Variants in SCP2 observed in about 807,000 individuals in gnomAD.
SCP2 encodes SCP-2/3-oxoacyl-CoA thiolase.
In SCP2, 48 loss-of-function variants were observed where a neutral mutation model predicts 71.4. The ratio of observed to expected loss-of-function variants is 0.67; its 90% CI spans 0.53 to 0.86. SCP2 has a LOEUF of 0.86. Among genes scored for constraint, SCP2 ranks in the 40% least tolerant of loss-of-function variants. The probability of loss-of-function intolerance (pLI) is 0.00; values close to 1 mark genes in which losing one functional copy is unlikely to be tolerated. For synonymous variants in SCP2, 220 were observed against 218.1 expected (o/e 1.01, Z -0.08); for missense variants, 560 against 655.6 (o/e 0.85, Z 1.59).
chr1:52,947,600 T>C (rs146167665), intron 2 of SCP2, among the ~76,000 whole-genome samples: 37 of 152,358 alleles, frequency 2.4e-4, no homozygotes, highest in African/African-American at 8.4e-4. Flanking sequence ...CTTGATCTTT[T>C]CTTTGTAAGA....
At chr1:52,996,988 A>G (rs1263225603) in intron 11 of SCP2, among the ~76,000 whole-genome samples, 3 of 151,932 alleles carry the variant, frequency 2.0e-5, no homozygotes, top group Non-Finnish European at 4.4e-5. Flanking sequence ...CTTTTTTCAT[A>G]TTGAAAATGT....
intron 11 of SCP2, among the ~76,000 whole-genome samples, chr1:52,988,539 C>T (rs184713436): frequency 1.2e-3 from 190 of 152,110 alleles, no homozygotes; most frequent in African/African-American, 4.2e-3. Flanking sequence ...ACTGGCTGGC[C>T]GTGTGAAACT....
intron 11 of SCP2, chr1:52,995,727 C>T: frequency 1.3e-6 from 1 of 768,034 alleles, no homozygotes; most frequent in Admixed American, 1.7e-5. Flanking sequence ...GAGTGGATCC[C>T]CAACAACATC....
At chr1:53,048,095 A>G in intron 15 of SCP2, 158 bp downstream of exon 15, 1 of 666,636 alleles carries the variant, frequency 1.5e-6, no homozygotes. Context: ...GCTGTGTGCC[A>G]CACACTGTCT....
chr1:52,985,262 C>T (rs1658886267), intron 10 of SCP2, among the ~76,000 whole-genome samples: 1 of 152,156 alleles, frequency 6.6e-6, no homozygotes, highest in Admixed American at 6.5e-5. Flanking sequence ...CATCTCAAAC[C>T]TAAGTCCAAA....
At chr1:52,990,759 A>T (rs1350869192) in intron 11 of SCP2, among the ~76,000 whole-genome samples, 1 of 147,550 alleles carries the variant, frequency 6.8e-6, no homozygotes, top group African/African-American at 2.6e-5. Context: ...AAAAAAAAAA[A>T]ATTAAAGGTA....
intron 10 of SCP2, among the ~76,000 whole-genome samples, chr1:52,980,796 A>T (rs1455590716): frequency 1.3e-5 from 2 of 152,210 alleles, no homozygotes; most frequent in Non-Finnish European, 1.5e-5. Flanking sequence ...AGGCTCTTTT[A>T]TCTGACCAAA....
chr1:53,017,982 G>A (rs1339438868), intron 12 of SCP2, among the ~76,000 whole-genome samples: 1 of 152,076 alleles, frequency 6.6e-6, no homozygotes, highest in Non-Finnish European at 1.5e-5. Context: ...AGCCTCCCAA[G>A]TAGCTGGGAT....
At chr1:52,989,747 A>G (rs914972786) in intron 11 of SCP2, among the ~76,000 whole-genome samples, 1 of 152,188 alleles carries the variant, frequency 6.6e-6, no homozygotes, top group Non-Finnish European at 1.5e-5. Flanking sequence ...TAGCTACCTC[A>G]GGTGCCAATT....
intron 6 of SCP2, among the ~76,000 whole-genome samples, chr1:52,962,008 C>G (rs1009765118): frequency 6.6e-6 from 1 of 152,262 alleles, no homozygotes; most frequent in African/African-American, 2.4e-5. Context: ...CTCAAGCGAT[C>G]CTTCCACCCC....
chr1:53,043,104 C>G (rs1466985544), intron 14 of SCP2, among the ~76,000 whole-genome samples: 2 of 152,158 alleles, frequency 1.3e-5, no homozygotes, highest in Non-Finnish European at 2.9e-5. Flanking sequence ...CTCCTATCCC[C>G]AAGGTAAACT....
At chr1:52,933,774 G>A (rs1441838445) in intron 1 of SCP2, among the ~76,000 whole-genome samples, 3 of 152,166 alleles carry the variant, frequency 2.0e-5, no homozygotes, top group African/African-American at 7.2e-5. Flanking sequence ...GGTAGTCTCT[G>A]AGACCCTTTG....
rs1296487926 is a variant in SCP2, at chr1:52,927,474, A to T, written c.69+9A>T. 2 of 1,591,586 alleles carry T rather than the reference A, an allele frequency of 1.3e-6. No homozygotes were observed. The highest frequency in any genetic ancestry group is 1.7e-6 in the Non-Finnish European group (2 of 1,169,344). ...GGGTTGGCATGACCAAGGTAAACCG[A>T]GCAGCGGCCCTGCTGGCCCTCTGAG... On this transcript the variant is annotated intron_variant, in intron 1 of 15. Coordinates refer to ENST00000371514, the MANE Select transcript of SCP2 (RefSeq NM_002979.5).
rs1027445623 is a variant in SCP2 at position 52,929,868 on chromosome 1, C to T, written c.69+2403C>T. 5.9e-5 allele frequency among the ~76,000 whole-genome samples: 9 copies of T among 152,280 alleles called. No individual in the cohort carries two copies. The East Asian group carries it at 1.4e-3, about 23-fold the overall frequency. On this transcript the variant is annotated intron_variant, in intron 1 of 15. Transcript: ENST00000371514. The stretch of plus-strand genomic sequence containing the variant: ...TTAACCTCCAGATCTCGTGATCCAC[C>T]CGCCTCGGACTCCCAAAGTGCTGGG...
At chr1:53,034,275 A>G (rs1410163752) in intron 13 of SCP2, among the ~76,000 whole-genome samples, 1 of 151,962 alleles carries the variant, frequency 6.6e-6, no homozygotes, top group Non-Finnish European at 1.5e-5. Context: ...CTCCATTTAA[A>G]AAAAAAAAAG....
rs191226296 is a variant in SCP2, at chr1:53,046,109, A to G, written c.1469-1749A>G. ...TTTGGCAAGTATGAATCTTAAAGCC[A>G]CTATAAGCATTCACATACAGGTTTT... On this transcript the variant is annotated intron_variant, in intron 14 of 15. Coordinates refer to ENST00000371514, the MANE Select transcript of SCP2 (RefSeq NM_002979.5). Among the ~76,000 whole-genome samples, 10 of 152,310 alleles carry G rather than the reference A, an allele frequency of 6.6e-5. No homozygotes were observed. The East Asian group carries it at 1.5e-3, about 24-fold the overall frequency.
In SCP2 at chr1:53,013,106, C is replaced by CTTTTT. The variant is rs754111443; in HGVS notation, c.1082-1765_1082-1761dup. 6.7e-5 allele frequency among the ~76,000 whole-genome samples: 7 copies of CTTTTT among 104,636 alleles called. 1 individual carries two copies. The highest frequency in any genetic ancestry group is 1.1e-4 in the Admixed American group (1 of 8,760). 68.6% of individuals were successfully genotyped at this position (104,636 alleles called of 152,430 possible). A position where few individuals can be genotyped will look rare whatever the true frequency, so the allele number is the denominator to read the frequency against. On this transcript the variant is annotated intron_variant, in intron 11 of 15. Coordinates refer to ENST00000371514, the MANE Select transcript of SCP2 (RefSeq NM_002979.5). ...AAGTTATTACCAGTTGTGGAGCTAC[C>CTTTTT]TTTTTTTTTTTTTTTTTTTTTTTGA...
chr1:52,993,211 A>G (rs775443299), intron 11 of SCP2: 395 of 1,613,986 alleles, frequency 2.4e-4, no homozygotes, highest in Non-Finnish European at 3.3e-4. Context: ...AAATGACACA[A>G]TGGCAGCCTT....
At chr1:52,983,909 T>C (rs1171077758) in intron 10 of SCP2, among the ~76,000 whole-genome samples, 1 of 152,198 alleles carries the variant, frequency 6.6e-6, no homozygotes, top group African/African-American at 2.4e-5. Flanking sequence ...ATTATATAGA[T>C]CCTTTGGAGA....
Sources: allele counts gnomAD v4.1 joint callset (sites outside exome capture counted in the v4.1 genomes callset), GRCh38; gene constraint gnomAD v4.1.1; transcripts MANE v1.5; gene names NCBI Gene and HGNC (gene_info 2026-07-23, HGNC 2026-07-21).